The following PIP4K2A variants were observed in gnomAD, a reference collection of about 807,000 sequenced individuals.
PIP4K2A encodes phosphatidylinositol-5-phosphate 4-kinase type 2 alpha.
In PIP4K2A, 14 loss-of-function variants were observed where a neutral mutation model predicts 42.9. The ratio of observed to expected loss-of-function variants is 0.33; its 90% CI spans 0.22 to 0.51. PIP4K2A has a LOEUF of 0.51. Ranked by LOEUF, PIP4K2A falls within the 20% of genes least tolerant of loss-of-function variation. PIP4K2A has a pLI of 0.97. For synonymous variants in PIP4K2A, 192 were observed against 192.2 expected (o/e 1.00, Z 0.01); for missense variants, 434 against 519.8 (o/e 0.83, Z 1.61).
chr10:22,558,741 AT>A (rs2130774664), intron 6 of PIP4K2A, among the ~76,000 whole-genome samples: 1 of 152,336 alleles, frequency 6.6e-6, no homozygotes, highest in African/African-American at 2.4e-5. Flanking sequence ...TGAACATCTT[AT>A]AATTTTTATT....
chr10:22,672,577 C>T (rs1336674280), intron 1 of PIP4K2A, among the ~76,000 whole-genome samples: 1 of 152,098 alleles, frequency 6.6e-6, no homozygotes, highest in East Asian at 1.9e-4. Flanking sequence ...CATCTGCACA[C>T]AAAGGGCATG....
intron 4 of PIP4K2A, among the ~76,000 whole-genome samples, chr10:22,584,403 GA>G: frequency 6.6e-6 from 1 of 152,288 alleles, no homozygotes; most frequent in South Asian, 2.1e-4. Flanking sequence ...GAATTGGGCA[GA>G]GATGTTTGGA....
intron 1 of PIP4K2A, among the ~76,000 whole-genome samples, chr10:22,619,320 C>T (rs140946036): frequency 3.6e-3 from 542 of 152,164 alleles, no homozygotes; most frequent in African/African-American, 0.013. Context: ...GAATCAGTTA[C>T]AGAGGCAGGA....
chr10:22,683,042 CAAAAA>C (rs1271326154), intron 1 of PIP4K2A, among the ~76,000 whole-genome samples: 1 of 147,058 alleles, frequency 6.8e-6, no homozygotes, highest in Admixed American at 6.7e-5. Flanking sequence ...TTTCTGAAGC[CAAAAA>C]GAAAAGAAAA....
intron 1 of PIP4K2A, among the ~76,000 whole-genome samples, chr10:22,700,995 AT>A (rs1436745558): frequency 6.6e-6 from 1 of 152,190 alleles, no homozygotes; most frequent in Non-Finnish European, 1.5e-5. Flanking sequence ...TTCCCTGGAA[AT>A]GCCACATACC....
At position 22,627,588 on chromosome 10, in the gene PIP4K2A, T is replaced by TAAAAAAAAAAAAAAAA. The variant is rs1564448260; in HGVS notation, c.145-17872_145-17871insTTTTTTTTTTTTTTTT. ...ATTTGTTTAACCAAAAGCTAATATG[T>TAAAAAAAAAAAAAAAA]AATAAAAAAAAAAAAAAAAAAAAAA... On this transcript the variant is annotated intron_variant, in intron 1 of 9. Coordinates refer to ENST00000376573, the MANE Select transcript of PIP4K2A (RefSeq NM_005028.5). 1.5e-4 allele frequency among the ~76,000 whole-genome samples: 6 copies of TAAAAAAAAAAAAAAAA among 38,954 alleles called. 1 individual carries two copies. Among genetic ancestry groups the TAAAAAAAAAAAAAAAA allele is most frequent in the Non-Finnish European group, 3.3e-4 (6 of 18,032 alleles). 25.6% of individuals were successfully genotyped at this position (38,954 alleles called of 152,430 possible). A position where few individuals can be genotyped will look rare whatever the true frequency, so the allele number is the denominator to read the frequency against.
intron 1 of PIP4K2A, among the ~76,000 whole-genome samples, chr10:22,659,929 G>C (rs1317563133): frequency 6.6e-6 from 1 of 152,114 alleles, no homozygotes; most frequent in Non-Finnish European, 1.5e-5. Flanking sequence ...AGGCAGGGCT[G>C]GCTATCTTTA....
intron 4 of PIP4K2A, among the ~76,000 whole-genome samples, chr10:22,582,320 GAAT>G (rs758468093): frequency 6.6e-6 from 1 of 152,028 alleles, no homozygotes; most frequent in Non-Finnish European, 1.5e-5. Context: ...CACTCACCGA[GAAT>G]AATAAGGGTT....
chr10:22,710,834 GATA>G (rs1189120319), intron 1 of PIP4K2A, among the ~76,000 whole-genome samples: 1 of 152,152 alleles, frequency 6.6e-6, no homozygotes, highest in Non-Finnish European at 1.5e-5. Flanking sequence ...TTTCTATACA[GATA>G]ATGTTTTCCT....
intron 1 of PIP4K2A, among the ~76,000 whole-genome samples, chr10:22,612,458 G>C (rs565811523): frequency 2.0e-5 from 3 of 152,314 alleles, no homozygotes; most frequent in African/African-American, 7.2e-5. Context: ...CTAGAGAGGA[G>C]GGGACACTGT....
chr10:22,666,916 C>T (rs1199627223), intron 1 of PIP4K2A, among the ~76,000 whole-genome samples: 1 of 152,176 alleles, frequency 6.6e-6, no homozygotes, highest in Non-Finnish European at 1.5e-5. Context: ...TAATCATTGG[C>T]CGATGCCATT....
intron 1 of PIP4K2A, among the ~76,000 whole-genome samples, chr10:22,652,363 C>T (rs1330155674): frequency 2.0e-5 from 3 of 152,182 alleles, no homozygotes; most frequent in South Asian, 4.1e-4. Context: ...TCAAGTGATC[C>T]GCCTGCCTCA....
chr10:22,630,313 C>T (rs2130769125), intron 1 of PIP4K2A, among the ~76,000 whole-genome samples: 1 of 152,218 alleles, frequency 6.6e-6, no homozygotes, highest in African/African-American at 2.4e-5. Context: ...CACCTAATTT[C>T]CATAATGATT....
intron 1 of PIP4K2A, among the ~76,000 whole-genome samples, chr10:22,690,833 T>C (rs555492854): frequency 3.7e-4 from 57 of 152,346 alleles, no homozygotes; most frequent in Non-Finnish European, 5.7e-4. Context: ...CAATGCTGCA[T>C]TGATTGCAAA....
intron 1 of PIP4K2A, among the ~76,000 whole-genome samples, chr10:22,643,018 T>C (rs745541232): frequency 1.3e-5 from 2 of 152,078 alleles, no homozygotes; most frequent in Non-Finnish European, 2.9e-5. Flanking sequence ...CCTATTTCAT[T>C]AAGCAATTTT....
chr10:22,568,007 G>T, intron 5 of PIP4K2A, 118 bp from the exon 6 acceptor site: 1 of 892,350 alleles, frequency 1.1e-6, no homozygotes, highest in East Asian at 2.4e-5. Flanking sequence ...ACTCTGCTTC[G>T]CAGCCCATGC....
chr10:22,665,535 G>T (rs919074212), intron 1 of PIP4K2A, among the ~76,000 whole-genome samples: 1 of 151,126 alleles, frequency 6.6e-6, no homozygotes, highest in Admixed American at 6.6e-5. Flanking sequence ...TCAACCTCCT[G>T]GGCTCAAGAG....
intron 1 of PIP4K2A, among the ~76,000 whole-genome samples, chr10:22,637,398 A>G (rs940344776): frequency 1.3e-5 from 2 of 152,236 alleles, no homozygotes; most frequent in African/African-American, 4.8e-5. Context: ...TTACTAAAAT[A>G]ACACAAGAAA....
chr10:22,685,833 A>C (rs1430162766), intron 1 of PIP4K2A, among the ~76,000 whole-genome samples: 1 of 152,228 alleles, frequency 6.6e-6, no homozygotes, highest in Non-Finnish European at 1.5e-5. Context: ...CAGCAATGGC[A>C]GGCCATGAGG....
Sources: gnomAD v4.1 joint callset for allele counts (sites outside exome capture counted in the v4.1 genomes callset) on GRCh38, gnomAD v4.1.1 for gene constraint, MANE v1.5 for transcripts, NCBI Gene and HGNC (gene_info 2026-07-23, HGNC 2026-07-21) for gene names.